TUSC3: variants seen among roughly 807,000 people sequenced by gnomAD.
TUSC3 encodes dolichyl-diphosphooligosaccharide--protein glycosyltransferase subunit TUSC3.
TUSC3 carries 45 observed loss-of-function variants against 44.8 expected under a neutral mutation model. That is an observed-to-expected ratio of 1.00 (90% CI 0.79 to 1.29). The LOEUF (loss-of-function observed/expected upper bound fraction) is 1.29, where lower values mean the gene tolerates loss of function less well. TUSC3 is among the 50% of genes most tolerant of loss of function. The probability of loss-of-function intolerance (pLI) is 0.00; values close to 1 mark genes in which losing one functional copy is unlikely to be tolerated. For synonymous variants in TUSC3, 212 were observed against 152.9 expected, an observed-to-expected ratio of 1.39 and a Z score of -2.85; for missense variants, 519 against 437.9, an observed-to-expected ratio of 1.19 and a Z score of -1.65.
the TUSC3 span, among the ~76,000 whole-genome samples, chr8:15,838,099 A>G: frequency 1.3e-5 from 2 of 152,174 alleles, no homozygotes; most frequent in South Asian, 4.1e-4. Context: ...AGTTGTATCA[A>G]TAGACCACCT....
chr8:15,712,086 A>G (rs1311168954), intron 6 of TUSC3, among the ~76,000 whole-genome samples: 1 of 152,124 alleles, frequency 6.6e-6, no homozygotes, highest in Middle Eastern at 3.4e-3. Flanking sequence ...AGGATTGAAT[A>G]TATCTTATTA....
intron 1 of TUSC3, among the ~76,000 whole-genome samples, chr8:15,425,764 C>A (rs935757761): frequency 6.6e-6 from 1 of 152,196 alleles, no homozygotes; most frequent in African/African-American, 2.4e-5. Context: ...AGTTAACCAT[C>A]CCTGTGAAAA....
At chr8:15,650,835 C>T (rs1806869433) in intron 3 of TUSC3, 21 bp downstream of exon 3, 3 of 1,593,802 alleles carry the variant, frequency 1.9e-6, no homozygotes, top group East Asian at 2.2e-5. Context: ...ATATCGTATT[C>T]ATATATTTAA....
At chr8:15,630,995 A>G (rs1175377151) in intron 2 of TUSC3, among the ~76,000 whole-genome samples, 1 of 152,186 alleles carries the variant, frequency 6.6e-6, no homozygotes, top group African/African-American at 2.4e-5. Context: ...TACAACCCTT[A>G]TCATTTCCTC....
intron 1 of TUSC3, among the ~76,000 whole-genome samples, chr8:15,419,839 A>T (rs1799716282): frequency 6.6e-6 from 1 of 152,184 alleles, no homozygotes; most frequent in Non-Finnish European, 1.5e-5. Flanking sequence ...GGTAAAGATT[A>T]CTTCATACAA....
rs568545414 is a variant in TUSC3 at position 15,756,621 on chromosome 8, C to G, written c.1029-1170C>G. Among the ~76,000 whole-genome samples the G allele has an allele frequency of 1.6e-4, 25 of 152,226 alleles. No individual in the cohort carries two copies. The East Asian group carries it at 2.9e-3, about 18-fold the overall frequency. On this transcript the variant is annotated intron_variant, in intron 9 of 10. Transcript: ENST00000503731. The stretch of plus-strand genomic sequence containing the variant: ...TGCTAAGCACATAGTAGGTGCTCAT[C>G]ATATACTTGTTAGTTGAATCTGTTT...
intron 1 of TUSC3, among the ~76,000 whole-genome samples, chr8:15,453,632 C>G (rs532909995): frequency 1.1e-3 from 173 of 152,112 alleles, no homozygotes; most frequent in Non-Finnish European, 2.3e-3. Context: ...CTAGCCAAGA[C>G]ACAGACAAAC....
chr8:15,744,355 T>C (rs1002818544), intron 8 of TUSC3, among the ~76,000 whole-genome samples: 9 of 152,078 alleles, frequency 5.9e-5, no homozygotes, highest in African/African-American at 2.2e-4. Flanking sequence ...GGACAGTCGA[T>C]TGTTTCCTGC....
chr8:15,819,355 C>G, the TUSC3 span, among the ~76,000 whole-genome samples: 4 of 149,242 alleles, frequency 2.7e-5, no homozygotes, highest in African/African-American at 9.9e-5. Context: ...TCTTCCAACT[C>G]TGCCTACTCT....
chr8:15,803,830 G>A, the TUSC3 span, among the ~76,000 whole-genome samples: 4 of 152,238 alleles, frequency 2.6e-5, no homozygotes, highest in African/African-American at 7.2e-5. Flanking sequence ...TTAATTTTAT[G>A]AGAATGATGG....
At chr8:15,788,810 C>T in the TUSC3 span, among the ~76,000 whole-genome samples, 1 of 152,146 alleles carries the variant, frequency 6.6e-6, no homozygotes, top group Non-Finnish European at 1.5e-5. Context: ...TCATTTCACA[C>T]TAAGTAGGTA....
intron 1 of TUSC3, among the ~76,000 whole-genome samples, chr8:15,431,187 A>AT (rs1799868474): frequency 6.6e-6 from 1 of 151,528 alleles, no homozygotes. Flanking sequence ...TTCCCTATGA[A>AT]TTTTGGAATT....
chr8:15,629,733 C>G (rs1421837704), intron 2 of TUSC3, among the ~76,000 whole-genome samples: 1 of 101,194 alleles, frequency 9.9e-6, no homozygotes, highest in Non-Finnish European at 2.2e-5. Context: ...TTTTTCTTTT[C>G]TTTAAAAAAA....
At chr8:15,643,151 A>G (rs1228381723) in intron 2 of TUSC3, among the ~76,000 whole-genome samples, 1 of 152,130 alleles carries the variant, frequency 6.6e-6, no homozygotes, top group East Asian at 1.9e-4. Flanking sequence ...CTTGTGAAGA[A>G]GGTGCCTTGC....
the TUSC3 span, among the ~76,000 whole-genome samples, chr8:15,832,998 G>A: frequency 6.6e-6 from 1 of 152,002 alleles, no homozygotes; most frequent in African/African-American, 2.4e-5. Flanking sequence ...TCATGACATG[G>A]CACTTACTCT....
chr8:15,488,212 AGTG>A (rs1800759296), intron 2 of TUSC3, among the ~76,000 whole-genome samples: 3 of 151,978 alleles, frequency 2.0e-5, no homozygotes, highest in African/African-American at 7.2e-5. Flanking sequence ...TTATCTCTAA[AGTG>A]TTTTTGTTGG....
At chr8:15,768,610 A>T (rs1290555043), downstream of TUSC3, among the ~76,000 whole-genome samples, 4 of 152,142 alleles carry the variant, frequency 2.6e-5, no homozygotes, top group Non-Finnish European at 5.9e-5. Context: ...ATCAGTAAAG[A>T]GATAAAAATT....
intron 1 of TUSC3, among the ~76,000 whole-genome samples, chr8:15,480,140 A>G (rs1456198691): frequency 6.6e-6 from 1 of 152,156 alleles, no homozygotes; most frequent in African/African-American, 2.4e-5. Flanking sequence ...TAAAGGACCT[A>G]TTCAAGGAGA....
the TUSC3 span, among the ~76,000 whole-genome samples, chr8:15,783,450 A>G: frequency 6.6e-6 from 1 of 152,242 alleles, no homozygotes; most frequent in Non-Finnish European, 1.5e-5. Flanking sequence ...AGCTGGAGGC[A>G]TCACACTACA....
Sources: allele counts gnomAD v4.1 joint callset (sites outside exome capture counted in the v4.1 genomes callset), GRCh38; gene constraint gnomAD v4.1.1; transcripts MANE v1.5; gene names NCBI Gene and HGNC (gene_info 2026-07-23, HGNC 2026-07-21).